Variants in PRKCE observed in about 807,000 individuals in gnomAD.
The protein encoded by PRKCE is protein kinase C epsilon, also known as protein kinase C epsilon type.
A neutral mutation model predicts 85.4 loss-of-function variants in PRKCE; 16 were observed. The observed-to-expected ratio is 0.19, with a 90% CI of 0.13 to 0.28. The LOEUF is 0.28. PRKCE is among the 10% of genes least tolerant of loss of function. The pLI is 1.00. For missense variants in PRKCE, 573 were observed against 975.2 expected, an observed-to-expected ratio of 0.59 and a Z score of 5.49; for synonymous variants, 388 against 371.5, an observed-to-expected ratio of 1.04 and a Z score of -0.51.
chr2:45,669,348 T>C (rs1676049957), intron 1 of PRKCE, among the ~76,000 whole-genome samples: 1 of 152,202 alleles, frequency 6.6e-6, no homozygotes, highest in South Asian at 2.1e-4. Context: ...AAAGCCTCCT[T>C]TTCGCCTGGA....
intron 1 of PRKCE, among the ~76,000 whole-genome samples, chr2:45,729,516 C>G (rs1480506840): frequency 3.3e-5 from 5 of 152,148 alleles, no homozygotes; most frequent in Non-Finnish European, 7.3e-5. Context: ...TTCCTTTTCC[C>G]CCTCCTACAG....
At chr2:45,689,983 C>G (rs1677604486) in intron 1 of PRKCE, among the ~76,000 whole-genome samples, 1 of 152,032 alleles carries the variant, frequency 6.6e-6, no homozygotes, top group Non-Finnish European at 1.5e-5. Context: ...CCTTGGATAT[C>G]CTTCCAGAAA....
At chr2:45,785,625 G>C (rs1686541959) in intron 1 of PRKCE, among the ~76,000 whole-genome samples, 1 of 152,210 alleles carries the variant, frequency 6.6e-6, no homozygotes, top group African/African-American at 2.4e-5. Flanking sequence ...CTGTGGGATG[G>C]ATGAGGACTC....
intron 10 of PRKCE, among the ~76,000 whole-genome samples, chr2:46,022,998 G>T (rs952349920): frequency 3.4e-5 from 5 of 149,030 alleles, no homozygotes; most frequent in Admixed American, 2.7e-4. Flanking sequence ...CAGGAGAATG[G>T]CGTGAACCCG....
At chr2:46,131,396 A>G (rs10184620) in intron 11 of PRKCE, among the ~76,000 whole-genome samples, 17,378 of 152,230 alleles carry the variant, frequency 0.11, 1,136 homozygotes, top group African/African-American at 0.17. Context: ...GTTACATATC[A>G]AGCCATAAGG....
intron 2 of PRKCE, among the ~76,000 whole-genome samples, chr2:45,916,555 A>T (rs1697796039): frequency 6.6e-6 from 1 of 152,156 alleles, no homozygotes; most frequent in African/African-American, 2.4e-5. Context: ...GAAATAAGCC[A>T]TTTCTTATTT....
At chr2:46,039,109 C>T (rs1455685746) in intron 10 of PRKCE, among the ~76,000 whole-genome samples, 1 of 152,172 alleles carries the variant, frequency 6.6e-6, no homozygotes, top group East Asian at 1.9e-4. Context: ...GGTCAATCTA[C>T]TTCTCTGTGT....
In PRKCE at chr2:46,155,151, A is replaced by G. The variant is rs1023483105; in HGVS notation, c.1920+3922A>G. ...ATCCCCCAGCAGCAACGAGGACTTC[A>G]CCTCACCAGATCTGGCTTTCCAAGA... On this transcript the variant is annotated intron_variant, in intron 13 of 14. Transcript: ENST00000306156. This position sits in a 1 kb window ranked among gnomAD's most constrained non-coding sequence, Gnocchi z 4.7. Among the ~76,000 whole-genome samples, 2 of 152,180 alleles carry G rather than the reference A, an allele frequency of 1.3e-5. No individual in the cohort carries two copies. Among genetic ancestry groups the G allele is most frequent in the Non-Finnish European group, 2.9e-5 (2 of 68,026 alleles).
At chr2:46,119,471 A>G (rs1409239275) in intron 11 of PRKCE, among the ~76,000 whole-genome samples, 1 of 152,214 alleles carries the variant, frequency 6.6e-6, no homozygotes, top group Non-Finnish European at 1.5e-5. Context: ...TATAAAATAC[A>G]TACAAATGGT....
chr2:45,938,387 A>G (rs962538823), intron 2 of PRKCE, among the ~76,000 whole-genome samples: 5 of 152,188 alleles, frequency 3.3e-5, no homozygotes, highest in African/African-American at 1.2e-4. Context: ...AAGTGACACT[A>G]TACATAATTA....
intron 1 of PRKCE, among the ~76,000 whole-genome samples, chr2:45,815,950 TGCCAAGAGCTACAAATGAGAA>T (rs896980717): frequency 6.6e-6 from 1 of 152,214 alleles, no homozygotes; most frequent in African/African-American, 2.4e-5. Flanking sequence ...AGAGTGTGAA[TGCCAAGAGCTACAAATGAGAA>T]GCCAAGAGTG....
intron 2 of PRKCE, among the ~76,000 whole-genome samples, chr2:45,955,484 G>C (rs1369452941): frequency 1.3e-5 from 2 of 152,172 alleles, no homozygotes; most frequent in Non-Finnish European, 2.9e-5. Flanking sequence ...TATGTTTATA[G>C]TCTCTTCTGC....
intron 11 of PRKCE, among the ~76,000 whole-genome samples, chr2:46,105,834 T>G (rs964518371): frequency 6.6e-6 from 1 of 152,254 alleles, no homozygotes; most frequent in Admixed American, 6.5e-5. Flanking sequence ...TGCAGTACAG[T>G]TAATTTATGC....
At chr2:46,061,938 C>A (rs1667182928) in intron 10 of PRKCE, among the ~76,000 whole-genome samples, 1 of 146,594 alleles carries the variant, frequency 6.8e-6, no homozygotes, top group Non-Finnish European at 1.5e-5. Context: ...CTCACTACAA[C>A]CTCCGCCTCC....
chr2:45,951,255 A>G (rs2104334264), intron 2 of PRKCE, among the ~76,000 whole-genome samples: 1 of 152,338 alleles, frequency 6.6e-6, no homozygotes, highest in East Asian at 1.9e-4. Flanking sequence ...TAAGTAGCCC[A>G]GATTGGGAAC....
At chr2:46,053,022 G>A (rs1330551501) in intron 10 of PRKCE, among the ~76,000 whole-genome samples, 1 of 152,240 alleles carries the variant, frequency 6.6e-6, no homozygotes, top group Non-Finnish European at 1.5e-5. Flanking sequence ...CCAACTGCCT[G>A]TGAACTTACG....
At chr2:45,929,994 T>A (rs1171478312) in intron 2 of PRKCE, among the ~76,000 whole-genome samples, 1 of 152,246 alleles carries the variant, frequency 6.6e-6, no homozygotes, top group Non-Finnish European at 1.5e-5. Flanking sequence ...AAATGAATCA[T>A]TCAATGAATC....
intron 1 of PRKCE, among the ~76,000 whole-genome samples, chr2:45,714,919 G>T (rs1330190192): frequency 2.0e-5 from 3 of 152,204 alleles, no homozygotes; most frequent in Non-Finnish European, 2.9e-5. Context: ...GCAGCCTCAT[G>T]GTTTGGGTTT....
At chr2:46,150,975 C>T (rs1405711548) in intron 12 of PRKCE, 66 bp from the exon 13 acceptor site, 3 of 1,453,944 alleles carry the variant, frequency 2.1e-6, no homozygotes, top group Non-Finnish European at 2.8e-6. Context: ...CATGGGCGTT[C>T]GTAGCACGGG....
Sources: gnomAD v4.1 joint callset for allele counts (sites outside exome capture counted in the v4.1 genomes callset) on GRCh38, gnomAD v4.1.1 for gene constraint, Gnocchi (gnomAD v3.1) non-coding constraint, MANE v1.5 for transcripts, NCBI Gene and HGNC (gene_info 2026-07-23, HGNC 2026-07-21) for gene names.